Variants in CPEB1 observed in about 807,000 individuals in gnomAD.
CPEB1 encodes the protein cytoplasmic polyadenylation element binding protein 1, also known as cytoplasmic polyadenylation element-binding protein 1.
Under a neutral mutation model 65.8 loss-of-function variants are expected in CPEB1, and 7 were observed. That is an observed-to-expected ratio of 0.11 (90% CI 0.06 to 0.20). The LOEUF is 0.20. CPEB1 is among the 10% of genes least tolerant of loss of function. The pLI is 1.00. For synonymous variants in CPEB1, 262 were observed against 260.0 expected, an observed-to-expected ratio of 1.01 and a Z score of -0.08; for missense variants, 551 against 712.2, an observed-to-expected ratio of 0.77 and a Z score of 2.58.
intron 3 of CPEB1, among the ~76,000 whole-genome samples, chr15:82,617,571 G>A (rs184871478): frequency 6.6e-6 from 1 of 152,102 alleles, no homozygotes; most frequent in East Asian, 1.9e-4. Flanking sequence ...ATAAAATACA[G>A]ACTACAGTAT....
chr15:82,586,495 TA>T (rs1248391968), intron 3 of CPEB1, among the ~76,000 whole-genome samples: 11 of 152,164 alleles, frequency 7.2e-5, no homozygotes, highest in Middle Eastern at 3.4e-3. Flanking sequence ...TATTCCCCTT[TA>T]AAAAAAATTA....
At chr15:82,550,107 T>C (rs1252582035) in intron 9 of CPEB1, among the ~76,000 whole-genome samples, 1 of 152,152 alleles carries the variant, frequency 6.6e-6, no homozygotes, top group East Asian at 1.9e-4. Context: ...GTGCTTACGA[T>C]ATTTGTATGA....
chr15:82,626,840 G>C (rs1001812323), intron 3 of CPEB1, among the ~76,000 whole-genome samples: 1 of 152,044 alleles, frequency 6.6e-6, no homozygotes, highest in African/African-American at 2.4e-5. Context: ...AATATATTGG[G>C]TTAAATAAAA....
intron 1 of CPEB1, among the ~76,000 whole-genome samples, chr15:82,644,776 T>C (rs2047367608): frequency 6.6e-6 from 1 of 152,212 alleles, no homozygotes; most frequent in Non-Finnish European, 1.5e-5. Flanking sequence ...GGTTTGAGTT[T>C]GCAACCCATT....
intron 1 of CPEB1, among the ~76,000 whole-genome samples, chr15:82,636,326 C>T (rs999303841): frequency 6.6e-6 from 1 of 152,186 alleles, no homozygotes; most frequent in Non-Finnish European, 1.5e-5. Context: ...TTCATAGCTG[C>T]CAAATCCAAC....
At chr15:82,646,721 G>A (rs947498318) in intron 1 of CPEB1, among the ~76,000 whole-genome samples, 3 of 152,210 alleles carry the variant, frequency 2.0e-5, no homozygotes, top group Admixed American at 6.5e-5. Flanking sequence ...GGGTCCTCTA[G>A]GAATGAGGCA....
intron 3 of CPEB1, among the ~76,000 whole-genome samples, chr15:82,576,122 T>C (rs1165212479): frequency 2.6e-5 from 4 of 152,182 alleles, no homozygotes; most frequent in Admixed American, 1.3e-4. Flanking sequence ...GCATATACCA[T>C]ACTATTATTC....
intron 4 of CPEB1, among the ~76,000 whole-genome samples, chr15:82,569,557 A>C (rs1265275620): frequency 6.6e-6 from 1 of 152,238 alleles, no homozygotes; most frequent in Non-Finnish European, 1.5e-5. Context: ...AACAGCTACA[A>C]GCACAGGCCT....
At chr15:82,560,125 A>T (rs2037950011) in intron 4 of CPEB1, among the ~76,000 whole-genome samples, 1 of 152,162 alleles carries the variant, frequency 6.6e-6, no homozygotes, top group Non-Finnish European at 1.5e-5. Flanking sequence ...AGAAATCCAA[A>T]ATCAAAGCCT....
intron 3 of CPEB1, among the ~76,000 whole-genome samples, chr15:82,606,592 G>T (rs1223208781): frequency 8.6e-6 from 1 of 116,670 alleles, no homozygotes; most frequent in Non-Finnish European, 1.8e-5. Context: ...GCCGAGGCGG[G>T]CGGATCACGA....
chr15:82,556,365 T>G (rs1283796106), intron 5 of CPEB1: 3 of 426,330 alleles, frequency 7.0e-6, no homozygotes, highest in African/African-American at 6.3e-5. Flanking sequence ...AATGCATTTA[T>G]CATATTCTAT....
chr15:82,578,192 T>C (rs1567196871), intron 3 of CPEB1, among the ~76,000 whole-genome samples: 1 of 152,152 alleles, frequency 6.6e-6, no homozygotes, highest in Non-Finnish European at 1.5e-5. Context: ...ATTGGTATAG[T>C]TAGGAAACTG....
chr15:82,599,306 C>T (rs1365980755), intron 3 of CPEB1, among the ~76,000 whole-genome samples: 1 of 152,106 alleles, frequency 6.6e-6, no homozygotes, highest in Non-Finnish European at 1.5e-5. Flanking sequence ...TACAGCAACC[C>T]TTCACGATAG....
At chr15:82,615,744 G>C (rs751581797) in intron 3 of CPEB1, among the ~76,000 whole-genome samples, 7 of 152,080 alleles carry the variant, frequency 4.6e-5, no homozygotes, top group Non-Finnish European at 8.8e-5. Context: ...TGAAATCCTA[G>C]CAGGATTATA....
At chr15:82,608,722 G>A (rs1340794941) in intron 3 of CPEB1, among the ~76,000 whole-genome samples, 1 of 151,978 alleles carries the variant, frequency 6.6e-6, no homozygotes, top group Non-Finnish European at 1.5e-5. Flanking sequence ...GAATTTCAGA[G>A]GTCCTTATTC....
intron 4 of CPEB1, among the ~76,000 whole-genome samples, chr15:82,566,744 C>G (rs2151024498): frequency 6.6e-6 from 1 of 152,248 alleles, no homozygotes; most frequent in Middle Eastern, 3.4e-3. Flanking sequence ...GGAGGCCTCC[C>G]TGGCCACACT....
At chr15:82,590,223 A>C (rs11858676) in intron 3 of CPEB1, among the ~76,000 whole-genome samples, 17,338 of 143,256 alleles carry the variant, frequency 0.12, 1,772 homozygotes, top group African/African-American at 0.22. Context: ...AAAAAAAAAA[A>C]AAAAAAAAAA....
intron 3 of CPEB1, among the ~76,000 whole-genome samples, chr15:82,601,084 T>C (rs1481645960): frequency 6.6e-6 from 1 of 151,006 alleles, no homozygotes; most frequent in Admixed American, 6.6e-5. Context: ...TTTGTATTTT[T>C]TAGTAGAGAC....
At chr15:82,597,504 A>G (rs1037982149) in intron 3 of CPEB1, among the ~76,000 whole-genome samples, 2 of 152,194 alleles carry the variant, frequency 1.3e-5, no homozygotes, top group African/African-American at 4.8e-5. Context: ...TAATTGAGAC[A>G]TGCATTAAAT....
Sources: allele counts gnomAD v4.1 joint callset (sites outside exome capture counted in the v4.1 genomes callset), GRCh38; gene constraint gnomAD v4.1.1; transcripts MANE v1.5; gene names NCBI Gene and HGNC (gene_info 2026-07-23, HGNC 2026-07-21).